The following TBX5 variants were observed in gnomAD, a reference collection of about 807,000 sequenced individuals.
TBX5 encodes T-box transcription factor 5.
TBX5 carries 8 observed loss-of-function variants against 51.1 expected under a neutral mutation model. The observed-to-expected ratio is 0.16, with a 90% CI of 0.09 to 0.28. The LOEUF is 0.28. Among genes scored for constraint, TBX5 ranks in the 10% least tolerant of loss-of-function variants. The probability of loss-of-function intolerance (pLI) is 1.00; values close to 1 mark genes in which losing one functional copy is unlikely to be tolerated. For synonymous variants in TBX5, 302 were observed against 266.4 expected (o/e 1.13, Z -1.30); for missense variants, 589 against 671.7 (o/e 0.88, Z 1.36).
chr12:114,407,641 C>G (rs1035804924), upstream of TBX5, among the ~76,000 whole-genome samples: 1 of 152,184 alleles, frequency 6.6e-6, no homozygotes, highest in Non-Finnish European at 1.5e-5. Context: ...TCAAACCTTT[C>G]GAGAGAATCC....
chr12:114,356,357 C>T (rs539114700), intron 8 of TBX5, among the ~76,000 whole-genome samples: 1 of 152,254 alleles, frequency 6.6e-6, no homozygotes, highest in South Asian at 2.1e-4. Flanking sequence ...TAGGAAATAG[C>T]ACTTCCTACA....
intron 1 of TBX5, among the ~76,000 whole-genome samples, chr12:114,405,149 G>A (rs1472409486): frequency 6.6e-6 from 1 of 152,206 alleles, no homozygotes. Flanking sequence ...ACCTGCTGTG[G>A]CCAGAGATCT....
At position 114,385,717 on chromosome 12, in the gene TBX5, C is replaced by T. The variant is rs760920442; in HGVS notation, c.664-150G>A. ...AGCCAGTCACGTCAACGGGACCCAC[C>T]ACTTCATTCAAGTGGAGGCTTTGAA... is the stretch of plus-strand genomic sequence containing the variant. On this transcript the variant is annotated intron_variant, in intron 6 of 8. Coordinates refer to ENST00000405440, the MANE Select transcript of TBX5 (RefSeq NM_181486.4). 1.4e-5 allele frequency: 10 copies of T among 709,550 alleles called. No individual in the cohort carries two copies. The Middle Eastern group carries it at 7.0e-4, about 50-fold the overall frequency. The allele number at this position is 709,550 out of a possible 1,614,324, so 44.0% of individuals were successfully genotyped here. A position where few individuals can be genotyped will look rare whatever the true frequency, so the allele number is the denominator to read the frequency against.
At chr12:114,402,321 G>T (rs1331482198) in intron 2 of TBX5, among the ~76,000 whole-genome samples, 2 of 151,704 alleles carry the variant, frequency 1.3e-5, no homozygotes, top group South Asian at 4.1e-4. Context: ...CACTTCACCT[G>T]AGATGGGTGG....
At chr12:114,364,169 C>A (rs781130584) in intron 8 of TBX5, among the ~76,000 whole-genome samples, 1 of 152,230 alleles carries the variant, frequency 6.6e-6, no homozygotes, top group African/African-American at 2.4e-5. Flanking sequence ...TTACTTTCCT[C>A]ATGTAACCCC....
At chr12:114,372,977 TACATACAC>T (rs1418297720) in intron 7 of TBX5, among the ~76,000 whole-genome samples, 11 of 103,616 alleles carry the variant, frequency 1.1e-4, no homozygotes, top group African/African-American at 2.7e-4. Context: ...CGAATATATA[TACATACAC>T]ACACACACAC....
At position 114,355,225 on chromosome 12, in the gene TBX5, A is replaced by C; in HGVS notation, c.*307T>G. On this transcript the variant is annotated 3_prime_UTR_variant, in exon 9 of 9. Transcript: ENST00000405440. ...AGAGCCCAAAAGAAGGAATGGGGGA[A>C]GAGATCTGGGGAGTAGCGTGAATGT... 5 of 426,346 alleles carry C rather than the reference A, an allele frequency of 1.2e-5. No homozygotes were observed. The highest frequency in any genetic ancestry group is 2.2e-5 in the Non-Finnish European group (5 of 227,002). The allele number at this position is 426,346 out of a possible 1,614,324, so 26.4% of individuals were successfully genotyped here.
chr12:114,377,991 C>T (rs1870288136), intron 7 of TBX5, among the ~76,000 whole-genome samples: 1 of 152,114 alleles, frequency 6.6e-6, no homozygotes, highest in Non-Finnish European at 1.5e-5. Context: ...CATCCACTCT[C>T]TGGTTGGGTG....
At chr12:114,408,274 G>A (rs1033339013), upstream of TBX5, 80 of 928,162 alleles carry the variant, frequency 8.6e-5, no homozygotes, top group Non-Finnish European at 1.0e-4. Flanking sequence ...GGCTTTCTCC[G>A]GAGGAATGAG....
chr12:114,398,726 T>C lies in TBX5; in HGVS notation c.363-6A>G, dbSNP rs757819289. ...CAGCTTTGCCCGTCACAGACCTAGA[T>C]GAAGGAGAGGTGTACTAGAGGCCTG... is the stretch of plus-strand genomic sequence containing the variant. On this transcript the variant is annotated splice_region_variant and splice_polypyrimidine_tract_variant and intron_variant, in intron 4 of 8. Coordinates refer to ENST00000405440, the MANE Select transcript of TBX5 (RefSeq NM_181486.4). 43 of 1,597,050 alleles carry C rather than the reference T, an allele frequency of 2.7e-5. No individual in the cohort carries two copies. The Middle Eastern group carries it at 1.2e-3, about 43-fold the overall frequency.
Position 114,355,614 on chromosome 12 carries a change from C to T in TBX5, c.1475G>A (p.Gly492Asp). 6.2e-7 allele frequency: 1 copy of T among 1,614,152 alleles called. No individual in the cohort carries two copies. The highest frequency in any genetic ancestry group is 1.6e-4 in the Middle Eastern group (1 of 6,062). Residue 492 changes from glycine to aspartate, a missense_variant, in exon 9 of 9, where the codon GGC becomes GAC. By Grantham distance (94) the Gly-to-Asp change is moderately conservative (BLOSUM62 -1). This residue lies in a region of TBX5 where 348 missense variants were observed against 360.4 expected (regional missense o/e 0.97). Coordinates refer to ENST00000405440, the MANE Select transcript of TBX5 (RefSeq NM_181486.4). ...LQPPEFLYSH[G>D]VPRTLSPHQY... ...ATGAGGGGATAGAGTCCTTGGCACGCCATGAGAGTAGAGGAACTCAGGGGG... is the reference window on the plus strand; with the variant it reads ...ATGAGGGGATAGAGTCCTTGGCACGTCATGAGAGTAGAGGAACTCAGGGGG...
At chr12:114,383,220 C>G (rs1165076471) in intron 7 of TBX5, among the ~76,000 whole-genome samples, 1 of 152,084 alleles carries the variant, frequency 6.6e-6, no homozygotes, top group Admixed American at 6.6e-5. Flanking sequence ...GCTGACCACA[C>G]AGTCTATGGC....
intron 8 of TBX5, among the ~76,000 whole-genome samples, chr12:114,356,992 ATGG>A (rs1868955237): frequency 1.6e-4 from 4 of 25,112 alleles, no homozygotes; most frequent in African/African-American, 9.7e-4. Context: ...TATTTGTACG[ATGG>A]ATGGATGGAT....
rs1555225276 is a variant in TBX5, at chr12:114,384,714, A to AACACACACACACACAC, written c.755+746_755+761dup. ...AAACCCACCAAACAGAAAAAAAGAA[A>AACACACACACACACAC]ACACACACACACACACACACACACA... On this transcript the variant is annotated intron_variant, in intron 7 of 8. Transcript: ENST00000405440. Among the ~76,000 whole-genome samples the AACACACACACACACAC allele has an allele frequency of 3.4e-3, 490 of 143,932 alleles. 3 individuals carry two copies. Among genetic ancestry groups the AACACACACACACACAC allele is most frequent in the African/African-American group, 0.012 (460 of 38,904 alleles). 94.4% of individuals were successfully genotyped at this position (143,932 alleles called of 152,430 possible). A position where few individuals can be genotyped will look rare whatever the true frequency, so the allele number is the denominator to read the frequency against.
In TBX5 at chr12:114,406,002, C is replaced by T; in HGVS notation, c.-413G>A. On this transcript the variant is annotated 5_prime_UTR_variant, in exon 1 of 9. Coordinates refer to ENST00000405440, the MANE Select transcript of TBX5 (RefSeq NM_181486.4). ...GTGAATGGTCGAAGTCCTTTCTGAG[C>T]GCAGCTTTCAGGATTAAAGTTCCCG... is the stretch of plus-strand genomic sequence containing the variant. The T allele has an allele frequency of 1.0e-6, 1 of 985,384 alleles. No homozygotes were observed. Among genetic ancestry groups the T allele is most frequent in the South Asian group, 4.7e-5 (1 of 21,276 alleles). The allele number at this position is 985,384 out of a possible 1,614,324, so 61.0% of individuals were successfully genotyped here. A position where few individuals can be genotyped will look rare whatever the true frequency, so the allele number is the denominator to read the frequency against.
intron 7 of TBX5, among the ~76,000 whole-genome samples, chr12:114,378,414 C>T (rs1565932316): frequency 1.3e-5 from 2 of 152,186 alleles, no homozygotes; most frequent in Admixed American, 6.5e-5. Flanking sequence ...AACTGTGTGA[C>T]CTTGGGCAAG....
chr12:114,388,584 C>A (rs993079070), intron 6 of TBX5, among the ~76,000 whole-genome samples: 28 of 151,774 alleles, frequency 1.8e-4, no homozygotes, highest in Middle Eastern at 6.8e-3. Flanking sequence ...CTGGAGTGAT[C>A]CTCCCACCTT....
upstream of TBX5, chr12:114,408,160 G>A (rs1221570956): frequency 2.0e-6 from 2 of 985,278 alleles, no homozygotes; most frequent in Non-Finnish European, 2.4e-6. Flanking sequence ...GGGCAGCGGC[G>A]GGAGGTAAAT....
At chr12:114,404,641 A>T (rs1035936426) in intron 1 of TBX5, among the ~76,000 whole-genome samples, 1 of 152,154 alleles carries the variant, frequency 6.6e-6, no homozygotes, top group Non-Finnish European at 1.5e-5. Flanking sequence ...GATAAAAAGT[A>T]GCCAAACAGA....
Sources: gnomAD v4.1 joint callset for allele counts (sites outside exome capture counted in the v4.1 genomes callset) on GRCh38, gnomAD v4.1.1 for gene constraint, gnomAD v4.1.1 regional missense constraint, MANE v1.5 for transcripts, NCBI Gene and HGNC (gene_info 2026-07-23, HGNC 2026-07-21) for gene names.